Variants in BTK observed in about 807,000 individuals in gnomAD.
BTK encodes the protein tyrosine-protein kinase BTK.
Under a neutral mutation model 57.4 loss-of-function variants are expected in BTK, and 5 were observed. That is an observed-to-expected ratio of 0.09 (90% CI 0.05 to 0.18). The LOEUF (loss-of-function observed/expected upper bound fraction) is 0.18. Among genes scored for constraint, BTK ranks in the 10% least tolerant of loss-of-function variants. BTK has a pLI of 1.00. For synonymous variants in BTK, 154 were observed against 174.3 expected, an observed-to-expected ratio of 0.88 and a Z score of 0.92; for missense variants, 194 against 501.2, an observed-to-expected ratio of 0.39 and a Z score of 5.85.
intron 5 of BTK, 25 bp downstream of exon 5, chrX:101,369,973 C>A (rs1926973468): frequency 8.5e-7 from 1 of 1,169,947 alleles, no homozygotes; most frequent in African/African-American, 1.8e-5. Flanking sequence ...TCTTTGGAAA[C>A]ATTTATTTTC....
rs112922745 is a variant in BTK at position 101,350,033 on chromosome X, A to G, written c.1909-77T>C. The G allele has an allele frequency of 2.3e-5, 17 of 723,775 alleles. 1 individual carries two copies. The highest frequency in any genetic ancestry group is 8.5e-5 in the African/African-American group (4 of 46,931). 59.6% of individuals were successfully genotyped at this position (723,775 alleles called of 1,213,427 possible). On this transcript the variant is annotated intron_variant, in intron 18 of 18. Transcript: ENST00000308731. ...AGGGAAATGCAATGAGTAAGCAGCA[A>G]ATGTTTATTAAATATATGCTCTATG...
intron 15 of BTK, 151 bp from the exon 16 acceptor site, chrX:101,354,845 C>G (rs1926414530): frequency 3.5e-6 from 2 of 571,607 alleles, no homozygotes; most frequent in Non-Finnish European, 2.9e-6. Context: ...GTTGATGCCA[C>G]CAAGAAATTT....
chrX:101,359,528 T>C (rs982243403), intron 9 of BTK, among the ~76,000 whole-genome samples, 181 bp from the exon 10 acceptor site: 2 of 111,625 alleles, frequency 1.8e-5, no homozygotes, highest in Non-Finnish European at 3.8e-5. Context: ...GCATTGAAGA[T>C]TCATGGAAAT....
chrX:101,378,948 C>T (rs1026032894), intron 1 of BTK, among the ~76,000 whole-genome samples: 4 of 110,288 alleles, frequency 3.6e-5, no homozygotes, highest in Admixed American at 9.8e-5. Flanking sequence ...CTGAGGCTGG[C>T]GGATCACTTG....
chrX:101,349,594 C>A lies in BTK; in HGVS notation c.*291G>T. On this transcript the variant is annotated 3_prime_UTR_variant, in exon 19 of 19. Coordinates refer to ENST00000308731, the MANE Select transcript of BTK (RefSeq NM_000061.3). ...ATGCCTACTCAAAGAGCTGTTGGACCCCTTTGTGCGGCTATTTACATCCTC... is the reference window on the plus strand; with the variant it reads ...ATGCCTACTCAAAGAGCTGTTGGACACCTTTGTGCGGCTATTTACATCCTC... 3.3e-6 allele frequency: 1 copy of A among 304,528 alleles called. No individual in the cohort carries two copies. Among genetic ancestry groups the A allele is most frequent in the Non-Finnish European group, 5.8e-6 (1 of 173,509 alleles). The allele number at this position is 304,528 out of a possible 1,213,427, so 25.1% of individuals were successfully genotyped here.
chrX:101,381,479 A>G (rs1490316809), intron 1 of BTK, among the ~76,000 whole-genome samples: 1 of 111,924 alleles, frequency 8.9e-6, no homozygotes, highest in Non-Finnish European at 1.9e-5. Context: ...CCCAGTCCCA[A>G]GAAGCATCCT....
chrX:101,367,252 A>G (rs782181850), intron 5 of BTK, among the ~76,000 whole-genome samples: 1 of 108,716 alleles, frequency 9.2e-6, no homozygotes, highest in Non-Finnish European at 1.9e-5. Context: ...TCAAGAAAAA[A>G]AAAAAAGAAA....
chrX:101,372,474 G>C (rs2147445578), intron 3 of BTK, among the ~76,000 whole-genome samples: 1 of 109,440 alleles, frequency 9.1e-6, no homozygotes, highest in African/African-American at 3.3e-5. Context: ...TTGAGACGGA[G>C]TCTTGCTCTG....
At chrX:101,384,497 T>C (rs1652175002) in intron 1 of BTK, among the ~76,000 whole-genome samples, 1 of 110,213 alleles carries the variant, frequency 9.1e-6, no homozygotes, top group South Asian at 3.8e-4. Context: ...CTTGGGAGGC[T>C]GAGGCAGGAG....
In BTK at chrX:101,354,008, T is replaced by G. The variant is rs782141849; in HGVS notation, c.1632-20A>C. 12 of 1,116,569 alleles carry G rather than the reference T, an allele frequency of 1.1e-5. No homozygotes were observed. The South Asian group carries it at 2.2e-4, about 20-fold the overall frequency. 92.0% of individuals were successfully genotyped at this position (1,116,569 alleles called of 1,213,427 possible). ...ACATACCTGCAAGGGATTCAGGACT[T>G]GTTGCATTAGGATTTGGAGGCTTGA... On this transcript the variant is annotated intron_variant, in intron 16 of 18. Transcript: ENST00000308731.
chrX:101,385,878 C>G (rs1275047752), intron 1 of BTK, among the ~76,000 whole-genome samples, 184 bp downstream of exon 1: 1 of 111,599 alleles, frequency 9.0e-6, no homozygotes, highest in Non-Finnish European at 1.9e-5. Flanking sequence ...GGAAAGGACC[C>G]TTTCGGCCTC....
At chrX:101,354,258 C>T (rs782756810) in intron 16 of BTK, 2 of 414,879 alleles carry the variant, frequency 4.8e-6, no homozygotes, top group Non-Finnish European at 8.4e-6. Context: ...ATCCACCTTT[C>T]CTTTCTCTGC....
chrX:101,369,140 G>T (rs782057151), intron 5 of BTK, among the ~76,000 whole-genome samples: 3 of 112,557 alleles, frequency 2.7e-5, no homozygotes, highest in African/African-American at 9.7e-5. Context: ...TGCTGAAACT[G>T]TTCAAGTTTA....
upstream of BTK, among the ~76,000 whole-genome samples, chrX:101,387,347 C>CTTTTT (rs1195584019): frequency 1.6e-4 from 12 of 75,508 alleles, no homozygotes; most frequent in African/African-American, 2.8e-4. Flanking sequence ...GCCCTGGGAC[C>CTTTTT]TTTTTTTTTT....
intron 1 of BTK, among the ~76,000 whole-genome samples, chrX:101,383,371 G>C (rs782504369): frequency 8.9e-6 from 1 of 111,764 alleles, no homozygotes; most frequent in Non-Finnish European, 1.9e-5. Context: ...AGTCAAAAAA[G>C]TATGTGCATT....
chrX:101,357,369 T>G, intron 13 of BTK, 140 bp downstream of exon 13: 1 of 563,177 alleles, frequency 1.8e-6, no homozygotes, highest in African/African-American at 2.2e-5. Context: ...GTGAATAACT[T>G]TTGCTTGGAT....
At chrX:101,361,755 C>T (rs142713756) in intron 7 of BTK, among the ~76,000 whole-genome samples, 3,359 of 110,875 alleles carry the variant, frequency 0.03, 127 homozygotes, top group East Asian at 0.16. Flanking sequence ...ATTAGCTGGG[C>T]GTGGTGGTGC....
chrX:101,371,786 G>C, intron 3 of BTK, 85 bp from the exon 4 acceptor site: 1 of 798,646 alleles, frequency 1.3e-6, no homozygotes, highest in Non-Finnish European at 1.9e-6. Flanking sequence ...CTTTTGCTGT[G>C]GCTTCAGAAG....
intron 10 of BTK, among the ~76,000 whole-genome samples, chrX:101,358,935 C>T (rs1229602169): frequency 9.0e-6 from 1 of 111,250 alleles, no homozygotes; most frequent in African/African-American, 3.3e-5. Context: ...GTCAGGAGTT[C>T]GAGACCAGCC....
Sources: allele counts gnomAD v4.1 joint callset (sites outside exome capture counted in the v4.1 genomes callset), GRCh38; gene constraint gnomAD v4.1.1; transcripts MANE v1.5; gene names NCBI Gene and HGNC (gene_info 2026-07-23, HGNC 2026-07-21).